Variants in PPP4R2 observed in about 807,000 individuals in gnomAD.
PPP4R2 encodes the protein protein phosphatase 4 regulatory subunit 2.
PPP4R2 carries 13 observed loss-of-function variants against 47.2 expected under a neutral mutation model. The ratio of observed to expected loss-of-function variants is 0.28; its 90% CI spans 0.18 to 0.44. The LOEUF (loss-of-function observed/expected upper bound fraction) is 0.44, where lower values mean the gene tolerates loss of function less well. Among genes scored for constraint, PPP4R2 ranks in the 20% least tolerant of loss-of-function variants. PPP4R2 has a pLI of 1.00. For missense variants in PPP4R2, 421 were observed against 491.2 expected (o/e 0.86, Z 1.35); for synonymous variants, 151 against 163.3 (o/e 0.92, Z 0.57).
chr3:73,061,173 T>C, intron 5 of PPP4R2, 113 bp downstream of exon 5: 1 of 469,102 alleles, frequency 2.1e-6, no homozygotes, highest in Non-Finnish European at 3.6e-6. Context: ...TAATTAAGTG[T>C]GATAACATAC....
At chr3:73,059,826 C>T (rs7617541) in intron 4 of PPP4R2, among the ~76,000 whole-genome samples, 58,337 of 151,138 alleles carry the variant, frequency 0.39, 11,630 homozygotes, top group African/African-American at 0.44. Context: ...TCCTAGCTAC[C>T]CAGGAGGCTG....
intron 2 of PPP4R2, among the ~76,000 whole-genome samples, chr3:73,015,200 G>A (rs1446878906): frequency 6.6e-6 from 1 of 152,148 alleles, no homozygotes; most frequent in Non-Finnish European, 1.5e-5. Flanking sequence ...CTTTTTTTGA[G>A]ACAGAGTCTC....
rs537317884 is a variant in PPP4R2 at position 73,067,220 on chromosome 3, T to G, written c.*1498T>G. On this transcript the variant is annotated 3_prime_UTR_variant, in exon 9 of 9. Transcript: ENST00000356692. ...ATTTGACTACATTTTTATCAAAATATGAAAGAATCCCCCCTTTTTTAGTTT... is the reference window on the plus strand; with the variant it reads ...ATTTGACTACATTTTTATCAAAATAGGAAAGAATCCCCCCTTTTTTAGTTT... 2.0e-5 allele frequency: 3 copies of G among 152,144 alleles called. No homozygotes were observed. Among genetic ancestry groups the G allele is most frequent in the African/African-American group, 7.2e-5 (3 of 41,456 alleles). The allele number at this position is 152,144 out of a possible 1,614,324, so 9.4% of individuals were successfully genotyped here.
chr3:73,018,884 T>C (rs935563373), intron 2 of PPP4R2, among the ~76,000 whole-genome samples: 1 of 152,204 alleles, frequency 6.6e-6, no homozygotes, highest in African/African-American at 2.4e-5. Context: ...ATTTCTGACA[T>C]GTATCAATTG....
At position 73,049,144 on chromosome 3, in the gene PPP4R2, C is replaced by T. The variant is rs115075118; in HGVS notation, c.287+1788C>T. On this transcript the variant is annotated intron_variant, in intron 3 of 8. Coordinates refer to ENST00000356692, the MANE Select transcript of PPP4R2 (RefSeq NM_174907.4). ...TTATCCAAGAAATAGCCACATGATACATTTTAGAAGCATGTTGCATAAGAT... is the reference window on the plus strand; with the variant it reads ...TTATCCAAGAAATAGCCACATGATATATTTTAGAAGCATGTTGCATAAGAT... Among the ~76,000 whole-genome samples the T allele has an allele frequency of 5.5e-3, 832 of 152,248 alleles. 7 individuals are homozygous for T. The highest frequency in any genetic ancestry group is 0.019 in the African/African-American group (796 of 41,536).
chr3:73,008,043 C>A (rs1431044801), intron 2 of PPP4R2, among the ~76,000 whole-genome samples: 4 of 149,472 alleles, frequency 2.7e-5, no homozygotes, highest in Non-Finnish European at 1.5e-5. Flanking sequence ...GCCCCCACCC[C>A]CCCTCCCATA....
chr3:73,002,571 T>C (rs989774147), intron 2 of PPP4R2, among the ~76,000 whole-genome samples: 5 of 151,752 alleles, frequency 3.3e-5, no homozygotes, highest in Non-Finnish European at 7.4e-5. Context: ...CTGTTGTGAA[T>C]AGTGCTGCAG....
intron 2 of PPP4R2, among the ~76,000 whole-genome samples, chr3:73,009,654 C>T (rs967547111): frequency 1.3e-5 from 2 of 152,190 alleles, no homozygotes; most frequent in African/African-American, 2.4e-5. Context: ...TTATAGTCCA[C>T]AGAGCACCTT....
chr3:73,039,281 G>A (rs1702328310), intron 2 of PPP4R2, among the ~76,000 whole-genome samples: 1 of 152,054 alleles, frequency 6.6e-6, no homozygotes, highest in Non-Finnish European at 1.5e-5. Flanking sequence ...GCCCCACCAT[G>A]CCAGCTCATT....
intron 3 of PPP4R2, among the ~76,000 whole-genome samples, chr3:73,052,522 T>A (rs1241835288): frequency 6.6e-6 from 1 of 152,188 alleles, no homozygotes; most frequent in African/African-American, 2.4e-5. Flanking sequence ...ACCATGAATA[T>A]AATTTAGGAA....
chr3:73,014,656 C>A (rs1464128725), intron 2 of PPP4R2, among the ~76,000 whole-genome samples: 1 of 152,096 alleles, frequency 6.6e-6, no homozygotes, highest in East Asian at 1.9e-4. Context: ...ATTTAATTTG[C>A]ATTGTTTTAT....
Position 73,065,495 on chromosome 3 carries a change from A to C in PPP4R2, c.1027A>C (p.Asn343His). The change falls in exon 9 of 9, where the codon AAT (asparagine) becomes CAT (histidine). Residue 343 changes from asparagine to histidine, a missense_variant. Coordinates refer to ENST00000356692, the MANE Select transcript of PPP4R2 (RefSeq NM_174907.4). ...TGTGAATGAAGAGACTTCTGAGGAA[A>C]ATAATCAAATGGAGGAATCTGATGT... is the stretch of plus-strand genomic sequence containing the variant. ...LTVNEETSEE[N>H]NQMEESDVSQ... The C allele has an allele frequency of 6.2e-7, 1 of 1,611,870 alleles. No homozygotes were observed. The highest frequency in any genetic ancestry group is 8.5e-7 in the Non-Finnish European group (1 of 1,179,722).
chr3:73,058,703 T>C (rs1702778919), intron 3 of PPP4R2, among the ~76,000 whole-genome samples: 1 of 152,122 alleles, frequency 6.6e-6, no homozygotes, highest in Non-Finnish European at 1.5e-5. Flanking sequence ...AAATGTACGA[T>C]AAATTATTGT....
At chr3:73,003,081 A>T (rs1701512926) in intron 2 of PPP4R2, among the ~76,000 whole-genome samples, 1 of 151,980 alleles carries the variant, frequency 6.6e-6, no homozygotes, top group Non-Finnish European at 1.5e-5. Flanking sequence ...AATAATGCGA[A>T]TATTACTGCC....
In PPP4R2 at chr3:73,048,822, C is replaced by T. The variant is rs80353242; in HGVS notation, c.287+1466C>T. 5.4e-3 allele frequency among the ~76,000 whole-genome samples: 824 copies of T among 152,240 alleles called. 9 individuals carry two copies. Among genetic ancestry groups the T allele is most frequent in the African/African-American group, 0.014 (589 of 41,546 alleles). ...AAATAAGATAGTGTAATCCAGTTAA[C>T]GGTTTGCTTTATATCATATTCCACT... On this transcript the variant is annotated intron_variant, in intron 3 of 8. Transcript: ENST00000356692.
At chr3:73,007,645 C>T (rs1048716374) in intron 2 of PPP4R2, among the ~76,000 whole-genome samples, 11 of 151,922 alleles carry the variant, frequency 7.2e-5, no homozygotes, top group African/African-American at 2.7e-4. Flanking sequence ...CGCACCACCA[C>T]GCCCAGTTAA....
At chr3:73,017,780 G>A (rs1022390435) in intron 2 of PPP4R2, among the ~76,000 whole-genome samples, 6 of 151,766 alleles carry the variant, frequency 4.0e-5, no homozygotes, top group Non-Finnish European at 8.8e-5. Flanking sequence ...AGGCTGGAGT[G>A]TAGTGGCTCA....
chr3:73,063,576 A>T (rs1702920528), intron 5 of PPP4R2, 97 bp from the exon 6 acceptor site: 1 of 687,060 alleles, frequency 1.5e-6, no homozygotes, highest in South Asian at 1.7e-5. Context: ...GTGAGCTGAG[A>T]TTGCACCACT....
chr3:73,030,523 G>A (rs560597946), intron 2 of PPP4R2, among the ~76,000 whole-genome samples: 11 of 152,130 alleles, frequency 7.2e-5, no homozygotes, highest in South Asian at 4.1e-4. Flanking sequence ...CATTTGTAGC[G>A]TACTCAAGAT....
Sources: gnomAD v4.1 joint callset for allele counts (sites outside exome capture counted in the v4.1 genomes callset) on GRCh38, gnomAD v4.1.1 for gene constraint, MANE v1.5 for transcripts, NCBI Gene and HGNC (gene_info 2026-07-23, HGNC 2026-07-21) for gene names.